Variants in LRRK1 observed in about 807,000 individuals in gnomAD.
LRRK1 encodes leucine rich repeat kinase 1.
LRRK1 carries 113 observed loss-of-function variants against 209.1 expected under a neutral mutation model. That is an observed-to-expected ratio of 0.54 (90% CI 0.46 to 0.63). The LOEUF (loss-of-function observed/expected upper bound fraction) is 0.63, where lower values mean the gene tolerates loss of function less well. LRRK1 is among the 30% of genes least tolerant of loss of function. The pLI, the probability that LRRK1 is intolerant of heterozygous loss-of-function variation, is 0.00. For synonymous variants in LRRK1, 1,144 were observed against 1,099.7 expected (o/e 1.04, Z -0.80); for missense variants, 2,284 against 2,632.2 (o/e 0.87, Z 2.89).
At chr15:101,060,792 C>T (rs2036124438) in intron 29 of LRRK1, among the ~76,000 whole-genome samples, 1 of 152,116 alleles carries the variant, frequency 6.6e-6, no homozygotes, top group African/African-American at 2.4e-5. Flanking sequence ...CCGCCCCAAC[C>T]CAATCTCCTC....
chr15:100,934,910 T>C (rs1461327974), intron 2 of LRRK1, among the ~76,000 whole-genome samples: 1 of 151,984 alleles, frequency 6.6e-6, no homozygotes, highest in Non-Finnish European at 1.5e-5. Flanking sequence ...GCCATTTTGA[T>C]TTATTATTAG....
chr15:101,063,777 G>A (rs57475655), intron 31 of LRRK1, among the ~76,000 whole-genome samples: 8,318 of 150,658 alleles, frequency 0.055, 734 homozygotes, highest in African/African-American at 0.19. Context: ...CAAAATACAT[G>A]AACTCTTCTC....
intron 6 of LRRK1, among the ~76,000 whole-genome samples, chr15:101,002,362 C>A (rs998962354): frequency 6.6e-6 from 1 of 152,200 alleles, no homozygotes; most frequent in African/African-American, 2.4e-5. Context: ...CCACCACTGC[C>A]GTGGAAAACA....
In LRRK1 at chr15:101,068,674, G is replaced by A. The variant is rs368466207; in HGVS notation, c.5874G>A (p.Val1958=). The A allele has an allele frequency of 7.6e-5, 121 of 1,593,998 alleles. No homozygotes were observed. The highest frequency in any genetic ancestry group is 9.8e-5 in the Non-Finnish European group (115 of 1,168,270). ...LKARELTPHG[V]LVDAAVVAKD... ...TCAGACCCCCTTCTCTCTGCAGGGT[G>A]CTGGTGGATGCTGCCGTGGTGGCAA... Residue 1958 remains valine (V), a synonymous_variant, in exon 34 of 34, where the codon GTG becomes GTA. Transcript: ENST00000388948.
intron 31 of LRRK1, 122 bp from the exon 32 acceptor site, chr15:101,065,230 C>T (rs961475898): frequency 3.8e-5 from 44 of 1,166,792 alleles, no homozygotes; most frequent in Middle Eastern, 4.8e-4. Flanking sequence ...TGCCCTGAGG[C>T]GCACTGGTGG....
chr15:100,941,268 CTG>C (rs1369933103), intron 2 of LRRK1, among the ~76,000 whole-genome samples: 3 of 70,798 alleles, frequency 4.2e-5, no homozygotes, highest in South Asian at 4.2e-4. Flanking sequence ...GTCTGTGTCT[CTG>C]TGTGTGTCCG....
chr15:101,030,296 C>G (rs1273790591), intron 20 of LRRK1, among the ~76,000 whole-genome samples: 1 of 152,110 alleles, frequency 6.6e-6, no homozygotes, highest in African/African-American at 2.4e-5. Flanking sequence ...ACCTTGCCAC[C>G]CTCCCTTCCA....
Position 101,053,021 on chromosome 15 carries a change from G to T in LRRK1, c.3789G>T (p.Gln1263His). Residue 1263 changes from glutamine (Q) to histidine (H), a missense_variant, in exon 25 of 34, where the codon CAG becomes CAT. Physicochemically the swap from Gln to His is conservative, Grantham distance 24 (BLOSUM62 0). This residue lies in a region of LRRK1 where 780 missense variants were observed against 985.2 expected (regional missense o/e 0.79). Coordinates refer to ENST00000388948, the MANE Select transcript of LRRK1 (RefSeq NM_024652.6). The part of the protein sequence containing the change: ...SGTVIYRARY[Q>H]GQPVAVKRFH... ...CCGTCATCTACCGGGCCCGGTACCA[G>T]GGCCAGCCTGTGGCCGTCAAGCGCT... 8 of 1,613,052 alleles carry T rather than the reference G, an allele frequency of 5.0e-6. No individual in the cohort carries two copies. Among genetic ancestry groups the T allele is most frequent in the Non-Finnish European group, 5.1e-6 (6 of 1,179,434 alleles).
rs146388989 is a variant in LRRK1 at position 101,063,413 on chromosome 15, C to T, written c.4914+723C>T. Among the ~76,000 whole-genome samples, 473 of 152,334 alleles carry T rather than the reference C, an allele frequency of 3.1e-3. 2 individuals are homozygous for T. Among genetic ancestry groups the T allele is most frequent in the African/African-American group, 0.01 (433 of 41,582 alleles). On this transcript the variant is annotated intron_variant, in intron 31 of 33. Coordinates refer to ENST00000388948, the MANE Select transcript of LRRK1 (RefSeq NM_024652.6). ...GCCCCTCCACGCACCTCTTCCCAGA[C>T]GGCCTCCGATTCAGTTCTCAAGACC...
At chr15:101,013,170 G>A (rs1401889887) in intron 10 of LRRK1, among the ~76,000 whole-genome samples, 1 of 152,160 alleles carries the variant, frequency 6.6e-6, no homozygotes, top group Non-Finnish European at 1.5e-5. Flanking sequence ...GTATGTGGGG[G>A]CTTGGGGGAC....
chr15:100,949,846 A>G (rs1283832704), intron 2 of LRRK1, among the ~76,000 whole-genome samples: 1 of 152,186 alleles, frequency 6.6e-6, no homozygotes, highest in African/African-American at 2.4e-5. Flanking sequence ...AACTAGTAAT[A>G]GAAGGAAACT....
At chr15:100,989,219 T>C (rs1450013292) in intron 5 of LRRK1, 31 bp from the exon 6 acceptor site, 1 of 1,595,762 alleles carries the variant, frequency 6.3e-7, no homozygotes, top group Admixed American at 1.7e-5. Flanking sequence ...AGCATCTGCA[T>C]GCCCTTAGCT....
chr15:101,023,650 T>C (rs2033895673), intron 15 of LRRK1, among the ~76,000 whole-genome samples: 1 of 152,158 alleles, frequency 6.6e-6, no homozygotes, highest in Non-Finnish European at 1.5e-5. Context: ...TCCATGATTT[T>C]CCCCCAAAGC....
rs902495493 is a variant in LRRK1, at chr15:100,951,034, C to A, written c.98-22770C>A. 2.6e-5 allele frequency among the ~76,000 whole-genome samples: 4 copies of A among 152,190 alleles called. No homozygotes were observed. The East Asian group carries it at 5.8e-4, about 22-fold the overall frequency. ...AGGAGAATGGCGTGAACCCGGGAGG[C>A]GGAGCTTGCAGGGAGCAGAGGTTGC... is the stretch of plus-strand genomic sequence containing the variant. On this transcript the variant is annotated intron_variant, in intron 2 of 33. Coordinates refer to ENST00000388948, the MANE Select transcript of LRRK1 (RefSeq NM_024652.6).
At chr15:100,935,046 C>T (rs1340522165) in intron 2 of LRRK1, among the ~76,000 whole-genome samples, 1 of 152,120 alleles carries the variant, frequency 6.6e-6, no homozygotes, top group Non-Finnish European at 1.5e-5. Context: ...GCTCAGCCCT[C>T]CCTCTTGTGC....
rs200547609 is a variant in LRRK1 at position 100,924,745 on chromosome 15, T to G, written c.97+16T>G. ...ACGCTTAACGGTAAGGACAGGGCTG[T>G]GCTTATGCCTGCCTGGGTGTGACCT... On this transcript the variant is annotated intron_variant, in intron 2 of 33. Transcript: ENST00000388948. 6.3e-7 allele frequency: 1 copy of G among 1,598,294 alleles called. No individual in the cohort carries two copies. The highest frequency in any genetic ancestry group is 8.6e-7 in the Non-Finnish European group (1 of 1,165,988).
chr15:101,053,528 A>C, intron 26 of LRRK1, 108 bp downstream of exon 26: 1 of 967,312 alleles, frequency 1.0e-6, no homozygotes, highest in Non-Finnish European at 1.5e-6. Context: ...AGCCCAGGGC[A>C]CGCCCAACCC....
chr15:101,037,207 G>T (rs895599641), intron 20 of LRRK1, among the ~76,000 whole-genome samples: 2 of 152,190 alleles, frequency 1.3e-5, no homozygotes, highest in Non-Finnish European at 2.9e-5. Flanking sequence ...AAACCTTGTA[G>T]GTCCTGAGCA....
chr15:101,066,587 G>A (rs879794769), intron 32 of LRRK1, 53 bp from the exon 33 acceptor site: 49 of 1,549,458 alleles, frequency 3.2e-5, no homozygotes, highest in East Asian at 1.3e-4. Context: ...TTCACTCCCC[G>A]GAGAGCACGG....
Sources: allele counts gnomAD v4.1 joint callset (sites outside exome capture counted in the v4.1 genomes callset), GRCh38; gene constraint gnomAD v4.1.1; regional missense constraint gnomAD v4.1.1; transcripts MANE v1.5; gene names NCBI Gene and HGNC (gene_info 2026-07-23, HGNC 2026-07-21).